CERT1: variants seen among roughly 807,000 people sequenced by gnomAD.
CERT1 encodes the protein ceramide transporter 1.
A neutral mutation model predicts 87.9 loss-of-function variants in CERT1; 31 were observed. That is an observed-to-expected ratio of 0.35 (90% CI 0.27 to 0.48). The LOEUF (loss-of-function observed/expected upper bound fraction) is 0.48, where lower values mean the gene tolerates loss of function less well. CERT1 is among the 20% of genes least tolerant of loss of function. The probability of loss-of-function intolerance (pLI) is 0.99; values close to 1 mark genes in which losing one functional copy is unlikely to be tolerated. For synonymous variants in CERT1, 289 were observed against 250.9 expected (o/e 1.15, Z -1.44); for missense variants, 487 against 758.0 (o/e 0.64, Z 4.20).
chr5:75,428,402 G>C (rs78979878), intron 3 of CERT1, among the ~76,000 whole-genome samples: 6 of 152,018 alleles, frequency 3.9e-5, no homozygotes, highest in African/African-American at 1.4e-4. Flanking sequence ...TAGTTGGCCG[G>C]GTGCGGTGGC....
downstream of CERT1, chr5:75,377,117 T>C (rs1047575898): frequency 7.9e-5 from 12 of 152,192 alleles, no homozygotes; most frequent in Non-Finnish European, 2.9e-5. Flanking sequence ...GAAATAGTAC[T>C]ATACAAAAGA....
intron 2 of CERT1, among the ~76,000 whole-genome samples, chr5:75,473,073 C>T (rs768880951): frequency 2.6e-5 from 4 of 152,032 alleles, no homozygotes; most frequent in Non-Finnish European, 5.9e-5. Context: ...GAATACTACG[C>T]AGCCATTTTT....
In CERT1 at chr5:75,511,223, G is replaced by A. The variant is rs773769927; in HGVS notation, c.-16C>T. On this transcript the variant is annotated 5_prime_UTR_variant, in exon 1 of 17. Coordinates refer to ENST00000643780, the MANE Select transcript of CERT1 (RefSeq NM_001379029.1). ...TATCCGACATGGAGGCTCGACAACCGAGCAGGAGACCGGCCCCCGCTCCCT... is the reference window on the plus strand; with the variant it reads ...TATCCGACATGGAGGCTCGACAACCAAGCAGGAGACCGGCCCCCGCTCCCT... 4.3e-5 allele frequency: 70 copies of A among 1,611,948 alleles called. No homozygotes were observed. The highest frequency in any genetic ancestry group is 1.4e-4 in the South Asian group (13 of 90,960).
intron 3 of CERT1, among the ~76,000 whole-genome samples, chr5:75,448,534 T>G (rs970709002): frequency 4.6e-5 from 7 of 152,200 alleles, no homozygotes; most frequent in African/African-American, 1.2e-4. Flanking sequence ...TTAAAAAGAT[T>G]TGATGAAAAA....
At chr5:75,374,208 A>AG, downstream of CERT1, 1 of 404,894 alleles carries the variant, frequency 2.5e-6, no homozygotes, top group East Asian at 3.6e-5. Flanking sequence ...GAAAAAAAAA[A>AG]AAAAAAAAGA....
intron 8 of CERT1, among the ~76,000 whole-genome samples, chr5:75,406,664 C>T (rs373537133): frequency 2.0e-4 from 31 of 152,010 alleles, no homozygotes; most frequent in African/African-American, 6.5e-4. Flanking sequence ...CTCAGACTCC[C>T]GAGTAGATGG....
At chr5:75,379,557 A>G (rs892940058) in intron 16 of CERT1, 84 bp from the exon 17 acceptor site, 1 of 1,273,784 alleles carries the variant, frequency 7.9e-7, no homozygotes, top group Admixed American at 2.2e-5. Context: ...CCTTGTTTTT[A>G]AAATATTCCT....
chr5:75,425,224 A>C (rs1763561433), intron 5 of CERT1, 137 bp downstream of exon 5: 5 of 725,472 alleles, frequency 6.9e-6, no homozygotes, highest in Non-Finnish European at 1.1e-5. Flanking sequence ...AAGGACACTG[A>C]AATCTGTTTC....
At chr5:75,411,711 A>G (rs1762941331) in intron 7 of CERT1, among the ~76,000 whole-genome samples, 1 of 152,152 alleles carries the variant, frequency 6.6e-6, no homozygotes, top group African/African-American at 2.4e-5. Flanking sequence ...AAAAGAAAAG[A>G]AAAAAACCCA....
chr5:75,448,516 T>C (rs941550973), intron 3 of CERT1, among the ~76,000 whole-genome samples: 1 of 152,226 alleles, frequency 6.6e-6, no homozygotes, highest in Non-Finnish European at 1.5e-5. Context: ...TACAATACTT[T>C]TAAGTGATTA....
At chr5:75,453,059 G>A (rs984791767) in intron 3 of CERT1, among the ~76,000 whole-genome samples, 8 of 152,104 alleles carry the variant, frequency 5.3e-5, no homozygotes, top group African/African-American at 1.7e-4. Flanking sequence ...ATGTCACATT[G>A]AATTATGTGA....
At chr5:75,456,414 A>G (rs1358836913) in intron 3 of CERT1, among the ~76,000 whole-genome samples, 1 of 152,078 alleles carries the variant, frequency 6.6e-6, no homozygotes, top group Non-Finnish European at 1.5e-5. Flanking sequence ...GACACCTGTA[A>G]TCCCAGCATT....
In CERT1 at chr5:75,379,194, C is replaced by G; in HGVS notation, c.*152G>C. The G allele has an allele frequency of 1.4e-6, 1 of 701,812 alleles. No individual in the cohort carries two copies. Among genetic ancestry groups the G allele is most frequent in the Non-Finnish European group, 2.3e-6 (1 of 427,118 alleles). The allele number at this position is 701,812 out of a possible 1,614,324, so 43.5% of individuals were successfully genotyped here. On this transcript the variant is annotated 3_prime_UTR_variant, in exon 17 of 17. Coordinates refer to ENST00000643780, the MANE Select transcript of CERT1 (RefSeq NM_001379029.1). The stretch of plus-strand genomic sequence containing the variant: ...AAGACCCTGTTTAAAACAACAACAA[C>G]GACAACAACAAAAACCAACGAAACA...
intron 2 of CERT1, among the ~76,000 whole-genome samples, chr5:75,493,065 CTTAT>C (rs1766872540): frequency 1.3e-5 from 2 of 152,172 alleles, no homozygotes; most frequent in Non-Finnish European, 2.9e-5. Context: ...GCATTTTCCT[CTTAT>C]TTAATTCTTC....
chr5:75,411,303 T>TATGTATG (rs144482573), intron 7 of CERT1, among the ~76,000 whole-genome samples, 200 bp from the exon 8 acceptor site: 2 of 151,812 alleles, frequency 1.3e-5, no homozygotes, highest in South Asian at 4.2e-4. Context: ...AACCTACTAT[T>TATGTATG]TATGTATGTA....
At position 75,399,268 on chromosome 5, in the gene CERT1, G is replaced by C. The variant is rs376883349; in HGVS notation, c.1188+42C>G. ...AACTGGGAAAGCAGGCTGAAATATA[G>C]CACAGAAAGACTCAAGTCCACTCTA... On this transcript the variant is annotated intron_variant, in intron 11 of 16. Transcript: ENST00000643780. 56 of 1,415,314 alleles carry C rather than the reference G, an allele frequency of 4.0e-5. No homozygotes were observed. The East Asian group carries it at 8.9e-4, about 22-fold the overall frequency. 87.7% of individuals were successfully genotyped at this position (1,415,314 alleles called of 1,614,324 possible).
chr5:75,385,224 G>A (rs887487614), intron 13 of CERT1, among the ~76,000 whole-genome samples: 13 of 152,166 alleles, frequency 8.5e-5, no homozygotes, highest in African/African-American at 2.9e-4. Context: ...TGTAATCCCA[G>A]CACTTTGGGA....
chr5:75,459,542 G>T (rs1765140537), intron 2 of CERT1, among the ~76,000 whole-genome samples: 1 of 152,090 alleles, frequency 6.6e-6, no homozygotes, highest in Non-Finnish European at 1.5e-5. Context: ...GCCCAGGTTG[G>T]AGTGCAATGG....
intron 2 of CERT1, among the ~76,000 whole-genome samples, chr5:75,472,000 G>C (rs1300918833): frequency 1.3e-5 from 2 of 152,172 alleles, no homozygotes; most frequent in East Asian, 3.9e-4. Context: ...ATGCTGGAGA[G>C]GATCACACTA....
Sources: gnomAD v4.1 joint callset for allele counts (sites outside exome capture counted in the v4.1 genomes callset) on GRCh38, gnomAD v4.1.1 for gene constraint, MANE v1.5 for transcripts, NCBI Gene and HGNC (gene_info 2026-07-23, HGNC 2026-07-21) for gene names.